HERC2: variants seen among roughly 807,000 people sequenced by gnomAD.
HERC2 encodes E3 ubiquitin-protein ligase HERC2.
HERC2 carries 102 observed loss-of-function variants against 537.7 expected under a neutral mutation model. The ratio of observed to expected loss-of-function variants is 0.19; its 90% CI spans 0.16 to 0.22. HERC2 has a LOEUF of 0.22. Ranked by LOEUF, HERC2 falls within the 10% of genes least tolerant of loss-of-function variation. The pLI is 1.00. For missense variants in HERC2, 4,236 were observed against 6,198.2 expected, an observed-to-expected ratio of 0.68 and a Z score of 10.63; for synonymous variants, 2,224 against 2,466.2, an observed-to-expected ratio of 0.90 and a Z score of 2.91.
At chr15:28,218,819 G>C (rs1411688640) in intron 37 of HERC2, 148 bp from the exon 38 acceptor site, 5 of 722,704 alleles carry the variant, frequency 6.9e-6, no homozygotes, top group Non-Finnish European at 1.2e-5. Flanking sequence ...AAAATTGAAA[G>C]TACAGAGATT....
At position 28,190,789 on chromosome 15, in the gene HERC2, C is replaced by T. The variant is rs928145068; in HGVS notation, c.8649+176G>A. ...TTCCTTTTCAAGCTGAACTGATAAG[C>T]AGCAAATTCAGTTGTACAAAATAAG... On this transcript the variant is annotated intron_variant, in intron 55 of 92. Coordinates refer to ENST00000261609, the MANE Select transcript of HERC2 (RefSeq NM_004667.6). The T allele has an allele frequency of 5.0e-6, 3 of 604,132 alleles. No homozygotes were observed. The African/African-American group carries it at 5.6e-5, about 11-fold the overall frequency. 37.4% of individuals were successfully genotyped at this position (604,132 alleles called of 1,614,324 possible).
At chr15:28,170,806 GAA>G (rs554813323) in intron 65 of HERC2, among the ~76,000 whole-genome samples, 1 of 129,162 alleles carries the variant, frequency 7.7e-6, no homozygotes, top group Non-Finnish European at 1.7e-5. Context: ...AAACTCAACA[GAA>G]AAAAAAAAAG....
At chr15:28,114,043 G>C (rs1887952838) in intron 90 of HERC2, among the ~76,000 whole-genome samples, 1 of 152,164 alleles carries the variant, frequency 6.6e-6, no homozygotes, top group Non-Finnish European at 1.5e-5. Flanking sequence ...ACGATACGGG[G>C]GACAGCACCG....
chr15:28,229,843 T>A lies in HERC2; in HGVS notation c.4814A>T (p.Lys1605Ile), dbSNP rs770180564. The change falls in exon 32 of 93, where the codon AAA becomes ATA. Residue 1605 changes from lysine (K) to isoleucine (I), a missense_variant. By Grantham distance (102) the Lys-to-Ile change is moderately radical. Around this residue, in one of 27 missense-constraint regions of HERC2, gnomAD observed 343 missense variants for 417.2 expected, o/e 0.82. Coordinates refer to ENST00000261609, the MANE Select transcript of HERC2 (RefSeq NM_004667.6). The part of the protein sequence containing the change: ...RPIAIKSPKD[K>I]WQPLLSTVTG... ...AACAGTACTCAACAGCGGCTGCCAT[T>A]TGTCCTAACAAAGGAAAACAATTTT... is the stretch of plus-strand genomic sequence containing the variant. 57 of 1,206,836 alleles carry A rather than the reference T, an allele frequency of 4.7e-5. No homozygotes were observed. The highest frequency in any genetic ancestry group is 2.2e-5 in the Non-Finnish European group (18 of 815,726). The allele number at this position is 1,206,836 out of a possible 1,614,324, so 74.8% of individuals were successfully genotyped here.
chr15:28,154,587 G>C (rs1376469878), intron 69 of HERC2, among the ~76,000 whole-genome samples: 13 of 152,148 alleles, frequency 8.5e-5, no homozygotes, highest in Admixed American at 1.3e-4. Flanking sequence ...TCATGATGGA[G>C]CTGGGGCTCA....
intron 83 of HERC2, among the ~76,000 whole-genome samples, chr15:28,127,139 T>C (rs760419151): frequency 6.6e-6 from 1 of 152,214 alleles, no homozygotes; most frequent in Non-Finnish European, 1.5e-5. Flanking sequence ...TCAAGGGCAG[T>C]GTACTTGTCT....
intron 35 of HERC2, among the ~76,000 whole-genome samples, chr15:28,227,584 T>C (rs1901342901): frequency 6.6e-6 from 1 of 152,122 alleles, no homozygotes; most frequent in South Asian, 2.1e-4. Flanking sequence ...TGGAAAACTT[T>C]GGTAGTTTCT....
intron 2 of HERC2, among the ~76,000 whole-genome samples, chr15:28,303,222 T>C (rs1320727961): frequency 6.6e-6 from 1 of 152,248 alleles, no homozygotes; most frequent in African/African-American, 2.4e-5. Context: ...TTTCTGCATA[T>C]GGGTGTCCCA....
At chr15:28,227,253 C>T (rs1195925734) in intron 35 of HERC2, among the ~76,000 whole-genome samples, 4 of 151,020 alleles carry the variant, frequency 2.6e-5, no homozygotes, top group Admixed American at 6.6e-5. Flanking sequence ...CCAGCCTAGG[C>T]GACGGAGTGA....
In HERC2 at chr15:28,141,648, T is replaced by G; in HGVS notation, c.11817-18A>C. On this transcript the variant is annotated intron_variant, in intron 77 of 92. Transcript: ENST00000261609. ...CTGGTCGCCTACAATACACATCAAG[T>G]GAGCATTTGCCATGGGCAAGAACAA... 6.2e-7 allele frequency: 1 copy of G among 1,613,966 alleles called. No homozygotes were observed. Among genetic ancestry groups the G allele is most frequent in the Non-Finnish European group, 8.5e-7 (1 of 1,179,878 alleles).
intron 2 of HERC2, 42 bp from the exon 3 acceptor site, chr15:28,299,558 TCA>T: frequency 2.0e-6 from 2 of 1,005,168 alleles, no homozygotes; most frequent in Middle Eastern, 4.2e-4. Context: ...GTGCTCACAC[TCA>T]CATTGCAATT....
chr15:28,240,235 G>A (rs146004481), intron 23 of HERC2, among the ~76,000 whole-genome samples: 1,569 of 152,192 alleles, frequency 0.01, 28 homozygotes, highest in East Asian at 0.063. Flanking sequence ...TGGCTAACAC[G>A]GTGAAACCCC....
chr15:28,276,192 CAAAAAAAAAAAAAAA>C (rs11359639), intron 5 of HERC2, among the ~76,000 whole-genome samples: 1 of 70,106 alleles, frequency 1.4e-5, no homozygotes, highest in Non-Finnish European at 2.6e-5. Flanking sequence ...TCTCAAAAAA[CAAAAAAAAAAAAAAA>C]AAAAAAAAAA....
chr15:28,245,920 G>C lies in HERC2; in HGVS notation c.3538C>G (p.Arg1180Gly), dbSNP rs555428725. The C allele has an allele frequency of 6.2e-7, 1 of 1,613,858 alleles. No individual in the cohort carries two copies. Among genetic ancestry groups the C allele is most frequent in the Non-Finnish European group, 8.5e-7 (1 of 1,180,010 alleles). The part of the protein sequence containing the change: ...RFNHLAPGKE[R>G]DDHEELAWPG... ...CAGGCTAACTCTTCATGATCATCCCGTTCCTTTCCTGGTGCCAGATGGTTG... is the reference window on the plus strand; with the variant it reads ...CAGGCTAACTCTTCATGATCATCCCCTTCCTTTCCTGGTGCCAGATGGTTG... Residue 1180 changes from arginine (R) to glycine (G), a missense_variant, in exon 23 of 93, where the codon CGG (arginine) becomes GGG (glycine). Transcript: ENST00000261609.
intron 20 of HERC2, 135 bp downstream of exon 20, chr15:28,254,205 C>G (rs1254674764): frequency 1.7e-6 from 1 of 592,032 alleles, no homozygotes; most frequent in African/African-American, 2.0e-5. Context: ...ATCACTTGAA[C>G]CTGGGAGGCG....
At chr15:28,121,249 G>A (rs1257985544) in intron 86 of HERC2, 97 bp downstream of exon 86, 5 of 1,080,376 alleles carry the variant, frequency 4.6e-6, no homozygotes, top group Non-Finnish European at 7.1e-6. Flanking sequence ...GGGGTGCACA[G>A]GATGGCAGGC....
At chr15:28,112,718 C>A (rs763503700) in intron 92 of HERC2, among the ~76,000 whole-genome samples, 1 of 152,106 alleles carries the variant, frequency 6.6e-6, no homozygotes, top group African/African-American at 2.4e-5. Context: ...CTCAATCCAA[C>A]GAGCGGCCTC....
chr15:28,226,834 G>A (rs1220582513), intron 35 of HERC2, among the ~76,000 whole-genome samples: 1 of 152,158 alleles, frequency 6.6e-6, no homozygotes, highest in Non-Finnish European at 1.5e-5. Context: ...TGATATACCT[G>A]ATAAAGGTCT....
intron 70 of HERC2, among the ~76,000 whole-genome samples, chr15:28,149,739 AAC>A (rs1224859829): frequency 2.0e-5 from 3 of 152,116 alleles, no homozygotes; most frequent in African/African-American, 7.2e-5. Flanking sequence ...TTACCGAAAA[AAC>A]ACACGCGACT....
Sources: allele counts gnomAD v4.1 joint callset (sites outside exome capture counted in the v4.1 genomes callset), GRCh38; gene constraint gnomAD v4.1.1; regional missense constraint gnomAD v4.1.1; transcripts MANE v1.5; gene names NCBI Gene and HGNC (gene_info 2026-07-23, HGNC 2026-07-21).